The following IRS1 variants were observed in gnomAD, a reference collection of about 807,000 sequenced individuals.
IRS1 encodes the protein insulin receptor substrate 1.
A neutral mutation model predicts 65.6 loss-of-function variants in IRS1; 34 were observed. The observed-to-expected ratio is 0.52, with a 90% CI of 0.39 to 0.69. The LOEUF (loss-of-function observed/expected upper bound fraction) is 0.69. Ranked by LOEUF, IRS1 falls within the 30% of genes least tolerant of loss-of-function variation. The probability of loss-of-function intolerance (pLI) is 0.00; values close to 1 mark genes in which losing one functional copy is unlikely to be tolerated. For synonymous variants in IRS1, 699 were observed against 683.5 expected (o/e 1.02, Z -0.35); for missense variants, 1,641 against 1,720.2 (o/e 0.95, Z 0.81).
intron 1 of IRS1, among the ~76,000 whole-genome samples, chr2:226,750,021 G>A (rs949395096): frequency 7.9e-5 from 12 of 152,030 alleles, no homozygotes; most frequent in South Asian, 2.1e-4. Flanking sequence ...AGGCCGAGGC[G>A]GGTGGATCAC....
intron 1 of IRS1, among the ~76,000 whole-genome samples, chr2:226,784,054 C>G (rs995711662): frequency 1.3e-5 from 2 of 151,924 alleles, no homozygotes; most frequent in Admixed American, 6.6e-5. Context: ...ACTGACTGAA[C>G]CACTGCATTC....
At chr2:226,791,831 G>C (rs1265294661) in intron 1 of IRS1, among the ~76,000 whole-genome samples, 3 of 152,022 alleles carry the variant, frequency 2.0e-5, no homozygotes, top group African/African-American at 7.2e-5. Flanking sequence ...CGCGGCCCGG[G>C]AAGGGGCCCC....
chr2:226,768,476 G>T (rs538578168), intron 1 of IRS1, among the ~76,000 whole-genome samples: 51 of 152,214 alleles, frequency 3.4e-4, no homozygotes, highest in African/African-American at 1.2e-3. Flanking sequence ...AAAATAATAA[G>T]CAAATAATCA....
chr2:226,750,249 C>CAAAA (rs75785691), intron 1 of IRS1, among the ~76,000 whole-genome samples: 51 of 59,928 alleles, frequency 8.5e-4, no homozygotes, highest in Middle Eastern at 8.1e-3. Context: ...AACTCTGTCT[C>CAAAA]AAAAAAAAAA....
chr2:226,748,418 G>C (rs1226429510), intron 1 of IRS1, among the ~76,000 whole-genome samples: 1 of 114,308 alleles, frequency 8.7e-6, no homozygotes, highest in African/African-American at 3.4e-5. Context: ...AACAGAGCGA[G>C]ACTCTGTCTC....
rs1332563473 is a variant in IRS1, at chr2:226,732,887, G to C, written c.*3385C>G. ...AAAGGGTCACATCTCTCCCCGCCAA[G>C]GTCTTAATTCACAGTGTCTGGATTC... On this transcript the variant is annotated 3_prime_UTR_variant, in exon 2 of 2. Coordinates refer to ENST00000305123, the MANE Select transcript of IRS1 (RefSeq NM_005544.3). 1 of 152,108 alleles carries C rather than the reference G, an allele frequency of 6.6e-6. No homozygotes were observed. Among genetic ancestry groups the C allele is most frequent in the Non-Finnish European group, 1.5e-5 (1 of 68,034 alleles). 9.4% of individuals were successfully genotyped at this position (152,108 alleles called of 1,614,324 possible).
intron 1 of IRS1, among the ~76,000 whole-genome samples, chr2:226,772,780 G>A (rs1180897972): frequency 6.6e-6 from 1 of 151,934 alleles, no homozygotes; most frequent in Non-Finnish European, 1.5e-5. Flanking sequence ...AGCTTATCAT[G>A]CTGATAAGGA....
chr2:226,750,520 A>G (rs1485721074), intron 1 of IRS1, among the ~76,000 whole-genome samples: 1 of 152,230 alleles, frequency 6.6e-6, no homozygotes, highest in Admixed American at 6.5e-5. Context: ...AACATACAGC[A>G]GTAAAAAAGA....
intron 1 of IRS1, among the ~76,000 whole-genome samples, chr2:226,738,593 C>T (rs1938374840): frequency 6.6e-6 from 1 of 152,190 alleles, no homozygotes; most frequent in South Asian, 2.1e-4. Context: ...ACAGGATTTA[C>T]TCTGTGTGTC....
In IRS1 at chr2:226,798,189, G is replaced by A. The variant is rs779946052; in HGVS notation, c.550C>T (p.Arg184Cys). 1 of 1,613,948 alleles carries A rather than the reference G, an allele frequency of 6.2e-7. No homozygotes were observed. The highest frequency in any genetic ancestry group is 8.5e-7 in the Non-Finnish European group (1 of 1,180,026). The change falls in exon 1 of 2, where the codon CGC becomes TGC. Residue 184 changes from arginine to cysteine, a missense_variant. By Grantham distance (180) the Arg-to-Cys change is radical (BLOSUM62 -3). Transcript: ENST00000305123. This position sits in a 1 kb window ranked among gnomAD's most constrained non-coding sequence, Gnocchi z 9.4. ...GQTKNLIGIY[R>C]LCLTSKTISF... ...ATGGTCTTGCTGGTCAGGCAAAGGC[G>A]GTAGATACCAATCAGGTTCTTTGTC... is the stretch of plus-strand genomic sequence containing the variant.
chr2:226,770,020 A>AG (rs397777241), intron 1 of IRS1, among the ~76,000 whole-genome samples: 1 of 152,142 alleles, frequency 6.6e-6, no homozygotes. Flanking sequence ...TGAAAAAAAA[A>AG]GAGCAGTAAT....
At chr2:226,741,821 AC>A (rs1258561092) in intron 1 of IRS1, among the ~76,000 whole-genome samples, 9 of 133,512 alleles carry the variant, frequency 6.7e-5, no homozygotes, top group East Asian at 2.9e-4. Context: ...ACACACACAC[AC>A]ACACATAACA....
At chr2:226,784,206 A>G (rs1327130821) in intron 1 of IRS1, among the ~76,000 whole-genome samples, 3 of 152,132 alleles carry the variant, frequency 2.0e-5, no homozygotes, top group Non-Finnish European at 4.4e-5. Context: ...GCTAAATGAT[A>G]TATACACCTG....
At chr2:226,757,878 GA>G in intron 1 of IRS1, among the ~76,000 whole-genome samples, 1 of 152,246 alleles carries the variant, frequency 6.6e-6, no homozygotes, top group East Asian at 1.9e-4. Flanking sequence ...TTTTAGAATA[GA>G]AAAGTTGATT....
chr2:226,755,221 TC>T (rs1371394697), intron 1 of IRS1, among the ~76,000 whole-genome samples: 1 of 152,184 alleles, frequency 6.6e-6, no homozygotes, highest in East Asian at 1.9e-4. Flanking sequence ...TAAATAAAAG[TC>T]CTTTGACGTT....
At position 226,796,951 on chromosome 2, in the gene IRS1, C is replaced by G. The variant is rs749768018; in HGVS notation, c.1788G>C (p.Gly596=). ...TGGAGCTGTCTGGGCGGTGGTGCCC[C>G]CCCCGACGCTCCAAGGGGTGCATTT... The part of the protein sequence containing the change: ...GLEMHPLERR[G]GHHRPDSSTL... The change falls in exon 1 of 2, where the codon GGG becomes GGC. Residue 596 remains glycine, a synonymous_variant. Coordinates refer to ENST00000305123, the MANE Select transcript of IRS1 (RefSeq NM_005544.3). 1 of 1,562,994 alleles carries G rather than the reference C, an allele frequency of 6.4e-7. No individual in the cohort carries two copies. The highest frequency in any genetic ancestry group is 1.2e-5 in the South Asian group (1 of 82,458).
chr2:226,764,797 T>C (rs1453317419), intron 1 of IRS1, among the ~76,000 whole-genome samples: 1 of 152,222 alleles, frequency 6.6e-6, no homozygotes, highest in East Asian at 1.9e-4. Context: ...TGCTCATCTA[T>C]ATGCGAGCAG....
At position 226,799,347 on chromosome 2, in the gene IRS1, G is replaced by C. The variant is rs1052903916; in HGVS notation, c.-609C>G. The C allele has an allele frequency of 6.5e-5, 82 of 1,256,786 alleles. No homozygotes were observed. Among genetic ancestry groups the C allele is most frequent in the Non-Finnish European group, 7.4e-5 (72 of 967,410 alleles). 77.9% of individuals were successfully genotyped at this position (1,256,786 alleles called of 1,614,324 possible). ...TACCAGCTCAGTCGCAGAGACCGCGGCGCTGCGGCTGTTGCTGTTGCTGCT... is the reference window on the plus strand; with the variant it reads ...TACCAGCTCAGTCGCAGAGACCGCGCCGCTGCGGCTGTTGCTGTTGCTGCT... On this transcript the variant is annotated 5_prime_UTR_variant, in exon 1 of 2. Transcript: ENST00000305123. The surrounding 1 kb of genome is among the most constrained non-coding windows in gnomAD (Gnocchi z 6.1).
At chr2:226,781,247 C>T (rs1042406938) in intron 1 of IRS1, among the ~76,000 whole-genome samples, 2 of 152,124 alleles carry the variant, frequency 1.3e-5, no homozygotes, top group Admixed American at 6.5e-5. Flanking sequence ...TACTTACTTT[C>T]GCTGGAAATC....
Sources: allele counts gnomAD v4.1 joint callset (sites outside exome capture counted in the v4.1 genomes callset), GRCh38; gene constraint gnomAD v4.1.1; non-coding constraint Gnocchi (gnomAD v3.1); transcripts MANE v1.5; gene names NCBI Gene and HGNC (gene_info 2026-07-23, HGNC 2026-07-21).